Variants in SIK3 observed in about 807,000 individuals in gnomAD.
SIK3 encodes SIK family kinase 3.
Under a neutral mutation model 144.2 loss-of-function variants are expected in SIK3, and 28 were observed. The ratio of observed to expected loss-of-function variants is 0.19; its 90% confidence interval spans 0.14 to 0.27. SIK3 has a LOEUF of 0.27. Ranked by LOEUF, SIK3 falls within the 10% of genes least tolerant of loss-of-function variation. The pLI, the probability that SIK3 is intolerant of heterozygous loss-of-function variation, is 1.00. For missense variants in SIK3, 1,319 were observed against 1,776.0 expected, an observed-to-expected ratio of 0.74 and a Z score of 4.62; for synonymous variants, 686 against 676.3, an observed-to-expected ratio of 1.01 and a Z score of -0.22.
intron 13 of SIK3, among the ~76,000 whole-genome samples, chr11:116,873,055 C>T (rs1944047586): frequency 6.6e-6 from 1 of 152,158 alleles, no homozygotes; most frequent in South Asian, 2.1e-4. Context: ...GTGTGTTTAT[C>T]AATGGAGAAA....
intron 4 of SIK3, among the ~76,000 whole-genome samples, chr11:116,916,796 C>CAA (rs34262569): frequency 7.7e-6 from 1 of 129,862 alleles, no homozygotes; most frequent in Admixed American, 7.9e-5. Flanking sequence ...AGGTGTGAGC[C>CAA]AAAAAAAAAA....
At chr11:117,068,618 A>G (rs1954123130) in intron 1 of SIK3, among the ~76,000 whole-genome samples, 1 of 152,126 alleles carries the variant, frequency 6.6e-6, no homozygotes, top group Non-Finnish European at 1.5e-5. Flanking sequence ...CAGGTGGCGC[A>G]TGCCTGTAGT....
At chr11:117,066,095 A>C in intron 1 of SIK3, among the ~76,000 whole-genome samples, 1 of 129,730 alleles carries the variant, frequency 7.7e-6, no homozygotes, top group Non-Finnish European at 1.6e-5. Flanking sequence ...TTTGAGATGG[A>C]GTTTTGCTCT....
chr11:117,023,621 A>AAAAATATATATATATATATATATATATAT (rs754624841), intron 1 of SIK3, among the ~76,000 whole-genome samples: 1 of 95,414 alleles, frequency 1.0e-5, no homozygotes, highest in African/African-American at 4.3e-5. Context: ...AAAAAAAAAA[A>AAAAATATATATATATATATATATATATAT]ATATATATAT....
At chr11:116,913,494 T>G (rs1434740715) in intron 4 of SIK3, among the ~76,000 whole-genome samples, 3 of 151,900 alleles carry the variant, frequency 2.0e-5, no homozygotes, top group Non-Finnish European at 4.4e-5. Flanking sequence ...CCAACCCTTC[T>G]CATATAAATC....
intron 1 of SIK3, among the ~76,000 whole-genome samples, chr11:117,071,051 CATAAA>C (rs1418178572): frequency 2.0e-5 from 3 of 151,948 alleles, no homozygotes; most frequent in Non-Finnish European, 4.4e-5. Flanking sequence ...AAAAAAGAAA[CATAAA>C]ATAAAACAAA....
At chr11:117,033,031 C>T (rs1457741724) in intron 1 of SIK3, among the ~76,000 whole-genome samples, 1 of 152,146 alleles carries the variant, frequency 6.6e-6, no homozygotes, top group African/African-American at 2.4e-5. Flanking sequence ...GGTTAACCTG[C>T]CTTAGTGCAG....
chr11:116,884,621 A>G (rs1252960248), intron 6 of SIK3, among the ~76,000 whole-genome samples: 1 of 151,796 alleles, frequency 6.6e-6, no homozygotes, highest in Non-Finnish European at 1.5e-5. Flanking sequence ...GGCCTCCCAA[A>G]GTGACATCTG....
chr11:117,016,366 GA>G (rs1951527016), intron 1 of SIK3, among the ~76,000 whole-genome samples: 4 of 108,464 alleles, frequency 3.7e-5, no homozygotes, highest in African/African-American at 1.2e-4. Flanking sequence ...GGGAGGGAGG[GA>G]AGGAGAGGGA....
chr11:116,949,266 T>A (rs1948817593), intron 3 of SIK3, among the ~76,000 whole-genome samples: 2 of 152,226 alleles, frequency 1.3e-5, no homozygotes, highest in Non-Finnish European at 2.9e-5. Context: ...GTTCAGCCTC[T>A]AATGTGATTC....
chr11:116,992,331 A>C (rs12272973), intron 1 of SIK3, among the ~76,000 whole-genome samples: 11,631 of 145,306 alleles, frequency 0.08, 606 homozygotes, highest in African/African-American at 0.13. Context: ...CCCCCCAAAA[A>C]AAAACACCTC....
intron 1 of SIK3, among the ~76,000 whole-genome samples, chr11:117,033,264 G>A (rs1432243961): frequency 6.6e-6 from 1 of 152,146 alleles, no homozygotes; most frequent in Non-Finnish European, 1.5e-5. Context: ...GCCTATCAGT[G>A]ACAATATAAG....
intron 3 of SIK3, among the ~76,000 whole-genome samples, chr11:116,930,296 C>A (rs1162823474): frequency 3.3e-5 from 5 of 152,200 alleles, no homozygotes; most frequent in African/African-American, 9.6e-5. Context: ...TGTAAACCTA[C>A]GAGGTCTAGT....
At chr11:117,043,059 T>C (rs897532623) in intron 1 of SIK3, among the ~76,000 whole-genome samples, 6 of 152,216 alleles carry the variant, frequency 3.9e-5, no homozygotes, top group Non-Finnish European at 8.8e-5. Flanking sequence ...AACCAAGATA[T>C]GCCCACAAGA....
At position 116,858,802 on chromosome 11, in the gene SIK3, C is replaced by A; in HGVS notation, c.2766-103G>T. On this transcript the variant is annotated intron_variant, in intron 20 of 24. Coordinates refer to ENST00000445177, the MANE Select transcript of SIK3 (RefSeq NM_001366686.3). This position sits in a 1 kb window ranked among gnomAD's most constrained non-coding sequence, Gnocchi z 5.4. ...AGGGAGAACCCACTGGTACAGAGAA[C>A]TGTGGTGTGACAGAGAAGTGGCAGA... The A allele has an allele frequency of 2.7e-6, 4 of 1,474,776 alleles. No individual in the cohort carries two copies. The highest frequency in any genetic ancestry group is 3.6e-6 in the Non-Finnish European group (4 of 1,109,474). The allele number at this position is 1,474,776 out of a possible 1,614,324, so 91.4% of individuals were successfully genotyped here.
At chr11:117,074,485 A>AAATAGACATTT (rs1206230332) in intron 1 of SIK3, among the ~76,000 whole-genome samples, 3 of 152,234 alleles carry the variant, frequency 2.0e-5, no homozygotes, top group Non-Finnish European at 4.4e-5. Context: ...AGGAAGGCTC[A>AAATAGACATTT]AATAGACATT....
chr11:116,942,930 G>A (rs1035746081), intron 3 of SIK3, among the ~76,000 whole-genome samples: 1 of 152,162 alleles, frequency 6.6e-6, no homozygotes, highest in Non-Finnish European at 1.5e-5. Context: ...CTATAATCGG[G>A]GGGGAAGTCA....
At chr11:116,995,152 A>G (rs1950618964) in intron 1 of SIK3, among the ~76,000 whole-genome samples, 1 of 151,392 alleles carries the variant, frequency 6.6e-6, no homozygotes, top group Non-Finnish European at 1.5e-5. Flanking sequence ...CCGTAATCCC[A>G]GCTACTCAGG....
chr11:116,846,924 C>T lies in SIK3; in HGVS notation c.3953-371G>A, dbSNP rs545886630. ...GCACCCATTCCTGGGCACTGTCTGTCTTCCAGACACTGTGCTAAGCACTTG... is the reference window on the plus strand; with the variant it reads ...GCACCCATTCCTGGGCACTGTCTGTTTTCCAGACACTGTGCTAAGCACTTG... On this transcript the variant is annotated intron_variant, in intron 23 of 24. Transcript: ENST00000445177. This position sits in a 1 kb window ranked among gnomAD's most constrained non-coding sequence, Gnocchi z 4.1. 6.6e-6 allele frequency among the ~76,000 whole-genome samples: 1 copy of T among 152,350 alleles called. No individual in the cohort carries two copies. The highest frequency in any genetic ancestry group is 2.1e-4 in the South Asian group (1 of 4,828).
Sources: gnomAD v4.1 joint callset for allele counts (sites outside exome capture counted in the v4.1 genomes callset) on GRCh38, gnomAD v4.1.1 for gene constraint, Gnocchi (gnomAD v3.1) non-coding constraint, MANE v1.5 for transcripts, NCBI Gene and HGNC (gene_info 2026-07-23, HGNC 2026-07-21) for gene names.